The following KRT77 variants were observed in gnomAD, a reference collection of about 807,000 sequenced individuals.
KRT77 encodes the protein keratin, type II cytoskeletal 1b.
KRT77 carries 44 observed loss-of-function variants against 51.5 expected under a neutral mutation model. The ratio of observed to expected loss-of-function variants is 0.85; its 90% CI spans 0.67 to 1.10. The LOEUF (loss-of-function observed/expected upper bound fraction) is 1.10. KRT77 is among the 50% of genes least tolerant of loss of function. KRT77 has a pLI of 0.00. For missense variants in KRT77, 763 were observed against 743.9 expected, an observed-to-expected ratio of 1.03 and a Z score of -0.30; for synonymous variants, 293 against 302.0, an observed-to-expected ratio of 0.97 and a Z score of 0.31.
Position 52,697,783 on chromosome 12 carries a change from G to C in KRT77, c.657C>G (p.Ile219Met), listed in dbSNP as rs760106782. Residue 219 changes from isoleucine to methionine, a missense_variant, in exon 2 of 9, where the codon ATC (isoleucine) becomes ATG (methionine). Ile to Met is a conservative substitution (Grantham distance 10). Transcript: ENST00000341809. ...AATCCACCTGCCTCCGCAGGTCACC[G>C]ATGTAGTTCTCCAAGAGGGGCTCCA... ...NNLEPLLENY[I>M]GDLRRQVDLL... 6.2e-7 allele frequency: 1 copy of C among 1,614,060 alleles called. No individual in the cohort carries two copies. Among genetic ancestry groups the C allele is most frequent in the East Asian group, 2.2e-5 (1 of 44,882 alleles).
chr12:52,690,874 T>C lies in KRT77; in HGVS notation c.*291A>G, dbSNP rs925669729. On this transcript the variant is annotated 3_prime_UTR_variant, in exon 9 of 9. Transcript: ENST00000341809. ...TGGAATGTTTGTGCTCACCCTGGGC[T>C]ACCGATCTTCCAAAAAGGTGGGAGC... 2 of 535,344 alleles carry C rather than the reference T, an allele frequency of 3.7e-6. No individual in the cohort carries two copies. The highest frequency in any genetic ancestry group is 3.9e-5 in the African/African-American group (2 of 51,204). The allele number at this position is 535,344 out of a possible 1,614,324, so 33.2% of individuals were successfully genotyped here.
chr12:52,703,196 C>G lies in KRT77; in HGVS notation c.239G>C (p.Ser80Thr). The change falls in exon 1 of 9, where the codon AGT (serine) becomes ACT (threonine). Residue 80 changes from serine to threonine, a missense_variant. Ser to Thr is a moderately conservative substitution (Grantham distance 58, BLOSUM62 1). Coordinates refer to ENST00000341809, the MANE Select transcript of KRT77 (RefSeq NM_175078.3). ...TACTCCCCCACCCTGGCAGAAACCA[C>G]TGGTGCTCCTCCCCATTAGATTAAT... Reference protein sequence around the residue: ...ISINLMGRSTSGFCQGGGVGG... With the variant: ...ISINLMGRSTTGFCQGGGVGG... 6.2e-7 allele frequency: 1 copy of G among 1,612,944 alleles called. No individual in the cohort carries two copies. Among genetic ancestry groups the G allele is most frequent in the Non-Finnish European group, 8.5e-7 (1 of 1,179,526 alleles).
rs1167863672 is a variant in KRT77 at position 52,697,824 on chromosome 12, T to G, written c.616A>C (p.Thr206Pro). The G allele has an allele frequency of 1.2e-6, 2 of 1,614,110 alleles. No individual in the cohort carries two copies. The highest frequency in any genetic ancestry group is 1.3e-5 in the African/African-American group (1 of 75,026). ...AGGGGCTCCAGGTTGTTGGTTCCAG[T>G]TGAGGTGTTCACCTGCTGCAGCAAC... ...WELLQQVNTS[T>P]GTNNLEPLLE... The change falls in exon 2 of 9, where the codon ACT becomes CCT. Residue 206 changes from threonine (T) to proline (P), a missense_variant. Thr to Pro is a conservative substitution (Grantham distance 38). Coordinates refer to ENST00000341809, the MANE Select transcript of KRT77 (RefSeq NM_175078.3).
intron 2 of KRT77, chr12:52,696,754 A>T (rs537295109): frequency 3.9e-6 from 1 of 255,692 alleles, no homozygotes; most frequent in African/African-American, 2.2e-5. Flanking sequence ...ATTCCTTAAA[A>T]CTGAGAACAT....
Position 52,703,192 on chromosome 12 carries a change from A to T in KRT77, c.243T>A (p.Gly81=), listed in dbSNP as rs1349309896. 4 of 1,612,960 alleles carry T rather than the reference A, an allele frequency of 2.5e-6. No individual in the cohort carries two copies. Among genetic ancestry groups the T allele is most frequent in the Non-Finnish European group, 3.4e-6 (4 of 1,179,522 alleles). Reference sequence around the variant, plus strand: ...CCCCTACTCCCCCACCCTGGCAGAAACCACTGGTGCTCCTCCCCATTAGAT... The same window carrying T: ...CCCCTACTCCCCCACCCTGGCAGAATCCACTGGTGCTCCTCCCCATTAGAT... The part of the protein sequence containing the change: ...SINLMGRSTS[G]FCQGGGVGGF... The change falls in exon 1 of 9, where the codon GGT becomes GGA. Residue 81 remains glycine, a synonymous_variant. Transcript: ENST00000341809.
intron 1 of KRT77, among the ~76,000 whole-genome samples, chr12:52,700,739 C>T (rs1039153581): frequency 1.3e-5 from 2 of 152,050 alleles, no homozygotes; most frequent in African/African-American, 2.4e-5. Context: ...GCAGCAGCTG[C>T]GGGTTGAAGG....
chr12:52,703,096 C>A lies in KRT77; in HGVS notation c.339G>T (p.Gly113=). The A allele has an allele frequency of 6.2e-7, 1 of 1,613,202 alleles. No homozygotes were observed. Among genetic ancestry groups the A allele is most frequent in the Non-Finnish European group, 8.5e-7 (1 of 1,179,476 alleles). Residue 113 remains glycine, a synonymous_variant, in exon 1 of 9, where the codon GGG becomes GGT. Coordinates refer to ENST00000341809, the MANE Select transcript of KRT77 (RefSeq NM_175078.3). ...AATTGCTAGTCCCAAATCCAGCACCCCCAAAACCACCTCCTCCAAAGCCAC... is the reference window on the plus strand; with the variant it reads ...AATTGCTAGTCCCAAATCCAGCACCACCAAAACCACCTCCTCCAAAGCCAC... ...GAGGFGGGGF[G]GAGFGTSNFG...
chr12:52,703,188 A>G lies in KRT77; in HGVS notation c.247T>C (p.Cys83Arg), dbSNP rs369487784. 35 of 1,562,374 alleles carry G rather than the reference A, an allele frequency of 2.2e-5. No homozygotes were observed. The highest frequency in any genetic ancestry group is 3.5e-5 in the Admixed American group (2 of 57,252). The part of the protein sequence containing the change: ...NLMGRSTSGF[C>R]QGGGVGGFGG... ...AATCCCCCTACTCCCCCACCCTGGC[A>G]GAAACCACTGGTGCTCCTCCCCATT... Residue 83 changes from cysteine (C) to arginine (R), a missense_variant, in exon 1 of 9, where the codon TGC (cysteine) becomes CGC (arginine). Transcript: ENST00000341809.
In KRT77 at chr12:52,697,741, C is replaced by T. The variant is rs757058796; in HGVS notation, c.699G>A (p.Gln233=). The change falls in exon 2 of 9, where the codon CAG becomes CAA. Residue 233 remains glutamine (Q), a synonymous_variant. Coordinates refer to ENST00000341809, the MANE Select transcript of KRT77 (RefSeq NM_175078.3). ...TCCTGACCTCCGCGTTCTGGCGCAT[C>T]TGCTCCGCACTGAGCAAATCCACCT... ...RRQVDLLSAE[Q]MRQNAEVRSM... is the part of the protein sequence containing the mutation. 1 of 1,614,220 alleles carries T rather than the reference C, an allele frequency of 6.2e-7. No individual in the cohort carries two copies. Among genetic ancestry groups the T allele is most frequent in the Admixed American group, 1.7e-5 (1 of 60,034 alleles).
At chr12:52,694,241 G>A (rs1416494905) in intron 5 of KRT77, among the ~76,000 whole-genome samples, 1 of 152,072 alleles carries the variant, frequency 6.6e-6, no homozygotes, top group African/African-American at 2.4e-5. Context: ...TGGTGATAAC[G>A]AAATTCTTAC....
intron 1 of KRT77, among the ~76,000 whole-genome samples, chr12:52,702,412 T>C (rs1338182801): frequency 4.6e-5 from 7 of 151,450 alleles, no homozygotes. Context: ...CACGTGTGTG[T>C]GTGTGCATGT....
intron 1 of KRT77, among the ~76,000 whole-genome samples, chr12:52,698,646 C>T (rs1161052529): frequency 1.3e-5 from 2 of 152,272 alleles, no homozygotes; most frequent in East Asian, 1.9e-4. Context: ...AGGTAAGATG[C>T]GGGGCCCAGG....
intron 1 of KRT77, among the ~76,000 whole-genome samples, chr12:52,699,520 C>A (rs1332861096): frequency 6.6e-6 from 1 of 152,198 alleles, no homozygotes; most frequent in East Asian, 1.9e-4. Flanking sequence ...GGTCTGTGTC[C>A]CACCAGCAAA....
intron 1 of KRT77, among the ~76,000 whole-genome samples, chr12:52,702,554 T>TGTGTG (rs1565655562): frequency 0.067 from 4,142 of 62,174 alleles, 164 homozygotes; most frequent in Non-Finnish European, 0.082. Flanking sequence ...GTGTGTGTGT[T>TGTGTG]TGTGTGTGTG....
At chr12:52,693,225 T>C (rs1208086547) in intron 5 of KRT77, among the ~76,000 whole-genome samples, 1 of 150,536 alleles carries the variant, frequency 6.6e-6, no homozygotes, top group African/African-American at 2.4e-5. Context: ...CCCCTCACTC[T>C]TTCCACCCAC....
rs537894735 is a variant in KRT77, at chr12:52,698,591, C to T, written c.544-695G>A. On this transcript the variant is annotated intron_variant, in intron 1 of 8. Transcript: ENST00000341809. The stretch of plus-strand genomic sequence containing the variant: ...TTCCCGGGAAATGGAGAGTGGACAT[C>T]ACCCAATATTTTCACCACCTCTTCT... Among the ~76,000 whole-genome samples, 10 of 152,272 alleles carry T rather than the reference C, an allele frequency of 6.6e-5. No individual in the cohort carries two copies. In the South Asian group the frequency reaches 2.1e-3, roughly 32 times the overall value.
At chr12:52,692,061 C>T in intron 7 of KRT77, 89 bp from the exon 8 acceptor site, 6 of 1,405,914 alleles carry the variant, frequency 4.3e-6, no homozygotes, top group Non-Finnish European at 6.0e-6. Context: ...AGAGGTGTCC[C>T]CAAGCCTTAG....
chr12:52,700,952 G>A lies in KRT77; in HGVS notation c.543+1940C>T, dbSNP rs557934555. On this transcript the variant is annotated intron_variant, in intron 1 of 8. Transcript: ENST00000341809. ...GAGTCAGAAGTCACCTGTCATAGAA[G>A]CCTTCTTCCTTCCAGCCAGGCCACA... 2.0e-5 allele frequency among the ~76,000 whole-genome samples: 3 copies of A among 152,318 alleles called. No homozygotes were observed. The South Asian group carries it at 6.2e-4, about 32-fold the overall frequency.
Position 52,696,008 on chromosome 12 carries a change from G to A in KRT77, c.820-141C>T, listed in dbSNP as rs114492001. On this transcript the variant is annotated intron_variant, in intron 3 of 8. Transcript: ENST00000341809. ...AATTCATCACCGCACTCGAATAAGG[G>A]ACCCACAAGTCCTGGCTTTCCTGGC... The A allele has an allele frequency of 9.5e-4, 612 of 645,720 alleles. 8 individuals carry two copies. The African/African-American group carries it at 0.01, about 11-fold the overall frequency. The allele number at this position is 645,720 out of a possible 1,614,324, so 40.0% of individuals were successfully genotyped here.
Sources: gnomAD v4.1 joint callset for allele counts (sites outside exome capture counted in the v4.1 genomes callset) on GRCh38, gnomAD v4.1.1 for gene constraint, MANE v1.5 for transcripts, NCBI Gene and HGNC (gene_info 2026-07-23, HGNC 2026-07-21) for gene names.